Variants in STYXL2 observed in about 807,000 individuals in gnomAD.
The protein encoded by STYXL2 is serine/threonine/tyrosine interacting like 2, also known as serine/threonine/tyrosine-interacting-like protein 2.
A neutral mutation model predicts 52.4 loss-of-function variants in STYXL2; 44 were observed. The observed-to-expected ratio is 0.84, with a 90% CI of 0.66 to 1.08. The LOEUF is 1.08. STYXL2 is among the 50% of genes least tolerant of loss of function. The pLI, the probability that STYXL2 is intolerant of heterozygous loss-of-function variation, is 0.00. For synonymous variants in STYXL2, 604 were observed against 586.9 expected, an observed-to-expected ratio of 1.03 and a Z score of -0.42; for missense variants, 1,604 against 1,471.7, an observed-to-expected ratio of 1.09 and a Z score of -1.47.
intron 2 of STYXL2, among the ~76,000 whole-genome samples, chr1:167,110,074 G>A (rs547586155): frequency 6.6e-6 from 1 of 152,190 alleles, no homozygotes; most frequent in African/African-American, 2.4e-5. Flanking sequence ...CCCAGTACAA[G>A]CCTGAAGCCC....
intron 4 of STYXL2, among the ~76,000 whole-genome samples, chr1:167,118,851 A>G (rs1251398194): frequency 2.0e-5 from 3 of 152,208 alleles, no homozygotes; most frequent in Non-Finnish European, 4.4e-5. Flanking sequence ...ATGTGAAAGG[A>G]TTTTGACAAT....
intron 2 of STYXL2, among the ~76,000 whole-genome samples, chr1:167,110,366 C>T (rs1015165185): frequency 2.0e-5 from 3 of 152,114 alleles, no homozygotes; most frequent in African/African-American, 7.2e-5. Flanking sequence ...TGAATCCAAA[C>T]CAAGAAGAAA....
chr1:167,119,298 A>G lies in STYXL2; in HGVS notation c.487A>G (p.Ile163Val), dbSNP rs922136517. The change falls in exon 5 of 6, where the codon ATT becomes GTT. Residue 163 changes from isoleucine to valine, a missense_variant. Physicochemically the swap from Ile to Val is conservative, Grantham distance 29. Coordinates refer to ENST00000361200, the MANE Select transcript of STYXL2 (RefSeq NM_001080426.3). ...GCTGAAGAGGCTGGGAATCACCCAC[A>G]TTCTGAATGCTGCGCATGGCACCGG... ...GRLKRLGITH[I>V]LNAAHGTGVY... 8.1e-6 allele frequency: 13 copies of G among 1,614,082 alleles called. No individual in the cohort carries two copies. The highest frequency in any genetic ancestry group is 1.1e-5 in the South Asian group (1 of 91,088).
intron 2 of STYXL2, among the ~76,000 whole-genome samples, chr1:167,100,020 C>T (rs1243426966): frequency 3.9e-5 from 6 of 152,312 alleles, no homozygotes; most frequent in African/African-American, 9.6e-5. Context: ...TTATTTGGCT[C>T]ATAGCTCTGG....
At chr1:167,121,468 C>T (rs1667856795) in intron 5 of STYXL2, among the ~76,000 whole-genome samples, 2 of 152,246 alleles carry the variant, frequency 1.3e-5, no homozygotes, top group Non-Finnish European at 2.9e-5. Flanking sequence ...CGCAATAGCT[C>T]CAGGCGTGTG....
At chr1:167,103,887 C>T (rs1189098191) in intron 2 of STYXL2, among the ~76,000 whole-genome samples, 1 of 152,084 alleles carries the variant, frequency 6.6e-6, no homozygotes, top group African/African-American at 2.4e-5. Context: ...TTTGGGAGGC[C>T]GAGGTAGGCG....
intron 2 of STYXL2, among the ~76,000 whole-genome samples, chr1:167,112,051 A>G (rs946422720): frequency 1.3e-5 from 2 of 152,180 alleles, no homozygotes; most frequent in Non-Finnish European, 2.9e-5. Flanking sequence ...TACTCAGGAT[A>G]TGGCCAGACC....
chr1:167,094,235 G>A (rs1164481313), intron 1 of STYXL2, 41 bp downstream of exon 1: 2 of 153,222 alleles, frequency 1.3e-5, no homozygotes, highest in African/African-American at 4.8e-5. Context: ...GTGAGCCCAG[G>A]ACTTACAATA....
intron 2 of STYXL2, among the ~76,000 whole-genome samples, chr1:167,104,374 TGCTTGGTAAG>T (rs1667468861): frequency 1.3e-5 from 2 of 152,228 alleles, no homozygotes; most frequent in Non-Finnish European, 2.9e-5. Context: ...TTTGTAGAAC[TGCTTGGTAAG>T]GCTCGATCAG....
At chr1:167,099,852 A>G (rs937903272) in intron 2 of STYXL2, among the ~76,000 whole-genome samples, 1 of 152,268 alleles carries the variant, frequency 6.6e-6, no homozygotes, top group Non-Finnish European at 1.5e-5. Context: ...CATTAAGGAT[A>G]TAGGATGTAT....
chr1:167,122,836 T>G (rs894508647), intron 5 of STYXL2, among the ~76,000 whole-genome samples: 5 of 152,172 alleles, frequency 3.3e-5, no homozygotes, highest in Admixed American at 2.0e-4. Context: ...TCAGCTAATT[T>G]TTGTATTTTC....
Position 167,113,764 on chromosome 1 carries a change from C to G in STYXL2, c.165C>G (p.His55Gln). ...AAAGCATTTTCATGGAACCCATTCA[C>G]CTCTCCTCAGCCATTGCAGCCAAAC... ...ETESIFMEPI[H>Q]LSSAIAAKQI... Residue 55 changes from histidine to glutamine, a missense_variant, in exon 3 of 6, where the codon CAC becomes CAG. Transcript: ENST00000361200. 1.2e-6 allele frequency: 2 copies of G among 1,614,130 alleles called. No homozygotes were observed. The highest frequency in any genetic ancestry group is 1.7e-6 in the Non-Finnish European group (2 of 1,179,994).
intron 2 of STYXL2, among the ~76,000 whole-genome samples, chr1:167,102,093 G>T (rs1243783048): frequency 6.6e-6 from 1 of 151,512 alleles, no homozygotes; most frequent in Non-Finnish European, 1.5e-5. Context: ...TCTAGAAAAT[G>T]CAAACCCATC....
chr1:167,121,584 A>C (rs1667858673), intron 5 of STYXL2, among the ~76,000 whole-genome samples: 1 of 152,214 alleles, frequency 6.6e-6, no homozygotes, highest in Admixed American at 6.5e-5. Flanking sequence ...TGGAGGGTGG[A>C]GGGAGGAAGA....
At position 167,103,596 on chromosome 1, in the gene STYXL2, C is replaced by T. The variant is rs543955868; in HGVS notation, c.110+8637C>T. ...AATCTTCATTTTTGCCTGAGTTAGG[C>T]ACTAACTTCAAACACCTTAAATTCA... On this transcript the variant is annotated intron_variant, in intron 2 of 5. Transcript: ENST00000361200. 9.2e-5 allele frequency among the ~76,000 whole-genome samples: 14 copies of T among 152,262 alleles called. No homozygotes were observed. The South Asian group carries it at 2.9e-3, about 32-fold the overall frequency.
chr1:167,106,242 C>T (rs1667505452), intron 2 of STYXL2, among the ~76,000 whole-genome samples: 1 of 152,308 alleles, frequency 6.6e-6, no homozygotes, highest in African/African-American at 2.4e-5. Flanking sequence ...CTGGCAGTCC[C>T]ACCTGCTGAG....
At chr1:167,098,636 T>C (rs928110391) in intron 2 of STYXL2, among the ~76,000 whole-genome samples, 1 of 152,224 alleles carries the variant, frequency 6.6e-6, no homozygotes, top group Non-Finnish European at 1.5e-5. Context: ...GGGGTTAGCC[T>C]GTCTTTGCTC....
chr1:167,098,340 G>A (rs928142953), intron 2 of STYXL2, among the ~76,000 whole-genome samples: 2 of 151,894 alleles, frequency 1.3e-5, no homozygotes, highest in African/African-American at 2.4e-5. Flanking sequence ...GCCAGGCAAG[G>A]TTTCACATGC....
intron 3 of STYXL2, 142 bp from the exon 4 acceptor site, chr1:167,117,186 G>A: frequency 1.4e-6 from 1 of 727,024 alleles, no homozygotes; most frequent in Non-Finnish European, 2.3e-6. Context: ...CCCAATTAAA[G>A]TCCTTCCTGG....
Sources: gnomAD v4.1 joint callset for allele counts (sites outside exome capture counted in the v4.1 genomes callset) on GRCh38, gnomAD v4.1.1 for gene constraint, MANE v1.5 for transcripts, NCBI Gene and HGNC (gene_info 2026-07-23, HGNC 2026-07-21) for gene names.